The following SHANK2 variants were observed in gnomAD, a reference collection of about 807,000 sequenced individuals.
SHANK2 encodes the protein SH3 and multiple ankyrin repeat domains protein 2.
Under a neutral mutation model 133.7 loss-of-function variants are expected in SHANK2, and 43 were observed. That is an observed-to-expected ratio of 0.32 (90% CI 0.25 to 0.41). SHANK2 has a LOEUF of 0.41. SHANK2 is among the 10% of genes least tolerant of loss of function. The pLI, the probability that SHANK2 is intolerant of heterozygous loss-of-function variation, is 1.00. For missense variants in SHANK2, 1,994 were observed against 2,235.8 expected (o/e 0.89, Z 2.18); for synonymous variants, 1,017 against 952.8 (o/e 1.07, Z -1.24).
chr11:70,596,841 G>A (rs1188785553), intron 17 of SHANK2, among the ~76,000 whole-genome samples: 1 of 152,208 alleles, frequency 6.6e-6, no homozygotes, highest in Non-Finnish European at 1.5e-5. Flanking sequence ...CGGAGGAGGA[G>A]AGAACAGAGG....
chr11:71,098,208 C>T (rs560616660), intron 6 of SHANK2, among the ~76,000 whole-genome samples: 7 of 118,970 alleles, frequency 5.9e-5, no homozygotes, highest in Non-Finnish European at 1.1e-4. Context: ...CATGCCTGTG[C>T]GTGTGCATGC....
In SHANK2 at chr11:70,500,424, C is replaced by G; in HGVS notation, c.2308+146G>C. The stretch of plus-strand genomic sequence containing the variant: ...ACAGACAGATGAATGTGCTCCAGGG[C>G]GGCAGGGCTCCTCGGGCAGGACCCA... On this transcript the variant is annotated intron_variant, in intron 21 of 25. Coordinates refer to ENST00000601538, the MANE Select transcript of SHANK2 (RefSeq NM_012309.5). The surrounding 1 kb of genome is among the most constrained non-coding windows in gnomAD (Gnocchi z 4.5). 1 of 1,013,404 alleles carries G rather than the reference C, an allele frequency of 9.9e-7. No individual in the cohort carries two copies. The highest frequency in any genetic ancestry group is 1.5e-6 in the Non-Finnish European group (1 of 673,802). 62.8% of individuals were successfully genotyped at this position (1,013,404 alleles called of 1,614,324 possible). A position where few individuals can be genotyped will look rare whatever the true frequency, so the allele number is the denominator to read the frequency against.
chr11:70,904,043 C>A (rs928516261), intron 10 of SHANK2, among the ~76,000 whole-genome samples: 2 of 152,206 alleles, frequency 1.3e-5, no homozygotes, highest in African/African-American at 2.4e-5. Flanking sequence ...AATTAGGCAG[C>A]CCCTGCTATC....
intron 14 of SHANK2, among the ~76,000 whole-genome samples, chr11:70,777,367 A>C (rs545314857): frequency 2.8e-5 from 4 of 143,324 alleles, no homozygotes; most frequent in South Asian, 2.3e-4. Context: ...GTCCATCCAT[A>C]CACCCATCCA....
intron 11 of SHANK2, among the ~76,000 whole-genome samples, chr11:70,861,700 A>C (rs1949261086): frequency 6.6e-6 from 1 of 152,126 alleles, no homozygotes; most frequent in Non-Finnish European, 1.5e-5. Flanking sequence ...CAAATATAGC[A>C]ACCTACAGTT....
chr11:71,088,345 G>C (rs920543441), intron 8 of SHANK2, among the ~76,000 whole-genome samples: 1 of 152,040 alleles, frequency 6.6e-6, no homozygotes, highest in Admixed American at 6.5e-5. Flanking sequence ...CACCCTATTG[G>C]TTCTGTTTTT....
chr11:71,089,428 T>G (rs1198675423), intron 8 of SHANK2, among the ~76,000 whole-genome samples: 1 of 152,004 alleles, frequency 6.6e-6, no homozygotes, highest in Admixed American at 6.6e-5. Flanking sequence ...TGGACCTGTA[T>G]GTACATGCGT....
chr11:70,866,490 AAAG>A (rs1285968311), intron 11 of SHANK2, among the ~76,000 whole-genome samples: 4 of 152,184 alleles, frequency 2.6e-5, no homozygotes, highest in Admixed American at 6.5e-5. Flanking sequence ...ATTTGGCTAC[AAAG>A]AAGGAGTCCA....
intron 17 of SHANK2, among the ~76,000 whole-genome samples, chr11:70,593,663 C>CT (rs1473025144): frequency 6.6e-6 from 1 of 152,212 alleles, no homozygotes; most frequent in Non-Finnish European, 1.5e-5. Flanking sequence ...GAAGAGTGAG[C>CT]TAAAGGGCAT....
intron 15 of SHANK2, among the ~76,000 whole-genome samples, chr11:70,683,548 A>C (rs1945076375): frequency 6.6e-6 from 1 of 152,230 alleles, no homozygotes; most frequent in Non-Finnish European, 1.5e-5. Flanking sequence ...TTTAAACAGC[A>C]GAAATGGGTT....
Position 70,750,919 on chromosome 11 carries a change from C to T in SHANK2, c.1777+47524G>A, listed in dbSNP as rs184369065. On this transcript the variant is annotated intron_variant, in intron 14 of 25. Coordinates refer to ENST00000601538, the MANE Select transcript of SHANK2 (RefSeq NM_012309.5). The stretch of plus-strand genomic sequence containing the variant: ...AAGTGCTCATGTCAACCTATTCCAT[C>T]GGGTTTAAACAAGACCCAGAGTATC... Among the ~76,000 whole-genome samples, 30 of 152,196 alleles carry T rather than the reference C, an allele frequency of 2.0e-4. No homozygotes were observed. The East Asian group carries it at 3.3e-3, about 17-fold the overall frequency.
chr11:70,630,797 C>T (rs1555001847), intron 17 of SHANK2, among the ~76,000 whole-genome samples: 3 of 152,170 alleles, frequency 2.0e-5, no homozygotes, highest in Admixed American at 6.5e-5. Context: ...TCTCTGCCTC[C>T]AGAACTGTGA....
chr11:70,811,420 C>T (rs781890421), intron 12 of SHANK2, among the ~76,000 whole-genome samples: 4 of 152,154 alleles, frequency 2.6e-5, no homozygotes, highest in Non-Finnish European at 4.4e-5. Context: ...CTGAGCCTGC[C>T]CTGCTTGAGA....
In SHANK2 at chr11:71,188,181, G is replaced by C. The variant is rs1953714696; in HGVS notation, c.-13+36516C>G. Among the ~76,000 whole-genome samples, 1 of 152,092 alleles carries C rather than the reference G, an allele frequency of 6.6e-6. No homozygotes were observed. The highest frequency in any genetic ancestry group is 6.5e-5 in the Admixed American group (1 of 15,272). ...GTTTTCCCAGCCACTCCTGAGACCT[G>C]GTGATCTTGCCACCTCCATCTCTCT... On this transcript the variant is annotated intron_variant, in intron 2 of 25. Coordinates refer to ENST00000601538, the MANE Select transcript of SHANK2 (RefSeq NM_012309.5). This position sits in a 1 kb window ranked among gnomAD's most constrained non-coding sequence, Gnocchi z 4.6.
intron 13 of SHANK2, among the ~76,000 whole-genome samples, chr11:70,801,721 G>A (rs997948007): frequency 6.6e-6 from 1 of 152,120 alleles, no homozygotes; most frequent in Non-Finnish European, 1.5e-5. Flanking sequence ...GGATGCTGAG[G>A]GATCCCGGGG....
In SHANK2 at chr11:70,739,344, G is replaced by C. The variant is rs1946473983; in HGVS notation, c.1778-40581C>G. ...CACACATCTCCACCTCCCCACAGAA[G>C]GGAGGAGGCCAGGAGGTGGACAATG... On this transcript the variant is annotated intron_variant, in intron 14 of 25. Transcript: ENST00000601538. The surrounding 1 kb of genome is among the most constrained non-coding windows in gnomAD (Gnocchi z 4.3). Among the ~76,000 whole-genome samples, 1 of 152,198 alleles carries C rather than the reference G, an allele frequency of 6.6e-6. No individual in the cohort carries two copies. The highest frequency in any genetic ancestry group is 2.1e-4 in the South Asian group (1 of 4,828).
intron 15 of SHANK2, among the ~76,000 whole-genome samples, chr11:70,687,357 C>G (rs1217579426): frequency 6.6e-6 from 1 of 152,180 alleles, no homozygotes; most frequent in Non-Finnish European, 1.5e-5. Context: ...CGACTCAGAG[C>G]ACAAGGTTGG....
intron 2 of SHANK2, among the ~76,000 whole-genome samples, chr11:71,219,685 G>C (rs1236835499): frequency 2.6e-5 from 4 of 151,914 alleles, no homozygotes; most frequent in African/African-American, 4.8e-5. Context: ...GAGGTCACCA[G>C]TTCAATATTA....
intron 11 of SHANK2, among the ~76,000 whole-genome samples, chr11:70,835,956 C>T (rs1948808991): frequency 6.6e-6 from 1 of 152,126 alleles, no homozygotes; most frequent in South Asian, 2.1e-4. Context: ...GCCCACTGCA[C>T]CCCGAGCAGG....
Sources: allele counts gnomAD v4.1 joint callset (sites outside exome capture counted in the v4.1 genomes callset), GRCh38; gene constraint gnomAD v4.1.1; non-coding constraint Gnocchi (gnomAD v3.1); transcripts MANE v1.5; gene names NCBI Gene and HGNC (gene_info 2026-07-23, HGNC 2026-07-21).